The following CREBL2 variants were observed in gnomAD, a reference collection of about 807,000 sequenced individuals.
CREBL2 encodes cAMP-responsive element-binding protein-like 2.
CREBL2 carries 4 observed loss-of-function variants against 19.5 expected under a neutral mutation model. The observed-to-expected ratio is 0.20, with a 90% CI of 0.10 to 0.47. CREBL2 has a LOEUF of 0.47. Ranked by LOEUF, CREBL2 falls within the 20% of genes least tolerant of loss-of-function variation. The pLI, the probability that CREBL2 is intolerant of heterozygous loss-of-function variation, is 0.98. For synonymous variants in CREBL2, 42 were observed against 46.6 expected (o/e 0.90, Z 0.40); for missense variants, 85 against 145.1 (o/e 0.59, Z 2.13).
intron 3 of CREBL2, among the ~76,000 whole-genome samples, chr12:12,641,253 A>ATTTTTTTTTTTTTTTTTTTTTT (rs142404101): frequency 5.1e-5 from 4 of 78,260 alleles, no homozygotes; most frequent in Non-Finnish European, 5.0e-5. Context: ...TATTATTATT[A>ATTTTTTTTTTTTTTTTTTTTTT]TTTTTTTTTA....
chr12:12,636,034 T>C (rs1197413334), intron 2 of CREBL2, 60 bp downstream of exon 2: 1 of 1,441,920 alleles, frequency 6.9e-7, no homozygotes, highest in East Asian at 2.3e-5. Flanking sequence ...AAATAATACA[T>C]TAAAATACGA....
At chr12:12,636,158 G>A (rs548750863) in intron 2 of CREBL2, among the ~76,000 whole-genome samples, 184 bp downstream of exon 2, 112 of 152,306 alleles carry the variant, frequency 7.4e-4, no homozygotes, top group Non-Finnish European at 1.5e-3. Flanking sequence ...CAGAGTGTAC[G>A]TGACTGTTAA....
At chr12:12,619,276 C>T (rs1428213907) in intron 1 of CREBL2, among the ~76,000 whole-genome samples, 2 of 152,058 alleles carry the variant, frequency 1.3e-5, no homozygotes, top group Non-Finnish European at 1.5e-5. Context: ...CTGAGGCCAC[C>T]TCCATGTTTA....
intron 3 of CREBL2, among the ~76,000 whole-genome samples, chr12:12,640,612 A>C (rs1945509684): frequency 6.6e-6 from 1 of 151,484 alleles, no homozygotes; most frequent in Non-Finnish European, 1.5e-5. Flanking sequence ...TTAAGAGTAA[A>C]GTAAAGACAG....
chr12:12,626,660 A>G lies in CREBL2; in HGVS notation c.16-9117A>G, dbSNP rs539146164. Among the ~76,000 whole-genome samples, 6 of 152,306 alleles carry G rather than the reference A, an allele frequency of 3.9e-5. No individual in the cohort carries two copies. The East Asian group carries it at 1.2e-3, about 29-fold the overall frequency. On this transcript the variant is annotated intron_variant, in intron 1 of 3. Transcript: ENST00000228865. Reference sequence around the variant, plus strand: ...ACAGAATTGTGCAATGATCATCACTATCTAATTCCAGAACAGTTCTATCAC... The same window carrying G: ...ACAGAATTGTGCAATGATCATCACTGTCTAATTCCAGAACAGTTCTATCAC...
At chr12:12,636,233 T>A (rs1945474032) in intron 2 of CREBL2, among the ~76,000 whole-genome samples, 1 of 152,118 alleles carries the variant, frequency 6.6e-6, no homozygotes, top group Non-Finnish European at 1.5e-5. Flanking sequence ...AATAAAGGAC[T>A]GGTTAAATAA....
chr12:12,617,558 C>T (rs1359704265), intron 1 of CREBL2, among the ~76,000 whole-genome samples: 2 of 141,668 alleles, frequency 1.4e-5, no homozygotes, highest in Non-Finnish European at 3.0e-5. Flanking sequence ...TCTCAAAACA[C>T]GTTATCATTA....
intron 1 of CREBL2, among the ~76,000 whole-genome samples, chr12:12,613,111 C>G (rs1400924314): frequency 6.6e-6 from 1 of 152,204 alleles, no homozygotes; most frequent in Admixed American, 6.5e-5. Flanking sequence ...TCTTAGGTGT[C>G]CGCTCGCCTC....
intron 1 of CREBL2, among the ~76,000 whole-genome samples, chr12:12,622,864 GT>G (rs1336938825): frequency 6.6e-6 from 1 of 152,112 alleles, no homozygotes; most frequent in Non-Finnish European, 1.5e-5. Flanking sequence ...TTCTCTTTAT[GT>G]TTTTAAGAGA....
chr12:12,622,099 C>G (rs1470206260), intron 1 of CREBL2, among the ~76,000 whole-genome samples: 1 of 152,088 alleles, frequency 6.6e-6, no homozygotes, highest in African/African-American at 2.4e-5. Flanking sequence ...TCTTCAGATA[C>G]GGATTGGGTG....
intron 1 of CREBL2, among the ~76,000 whole-genome samples, chr12:12,633,675 TA>T (rs1945456047): frequency 6.6e-6 from 1 of 152,086 alleles, no homozygotes; most frequent in Non-Finnish European, 1.5e-5. Context: ...AGAAGTTTGG[TA>T]AATGTGGCTG....
chr12:12,616,673 G>A lies in CREBL2; in HGVS notation c.15+4486G>A, dbSNP rs550393862. 3.3e-5 allele frequency among the ~76,000 whole-genome samples: 5 copies of A among 152,272 alleles called. No individual in the cohort carries two copies. In the East Asian group the frequency reaches 7.7e-4, roughly 23 times the overall value. ...AGGCTTTGGCAGCTCCCAGCCCTGC[G>A]TTTTCTGTGCCCTAGTTATAATCCC... On this transcript the variant is annotated intron_variant, in intron 1 of 3. Coordinates refer to ENST00000228865, the MANE Select transcript of CREBL2 (RefSeq NM_001310.4).
At position 12,635,787 on chromosome 12, in the gene CREBL2, G is replaced by A; in HGVS notation, c.26G>A (p.Gly9Asp). 1 of 1,610,448 alleles carries A rather than the reference G, an allele frequency of 6.2e-7. No homozygotes were observed. Among genetic ancestry groups the A allele is most frequent in the Non-Finnish European group, 8.5e-7 (1 of 1,178,146 alleles). The change falls in exon 2 of 4, where the codon GGC becomes GAC. Residue 9 changes from glycine to aspartate, a missense_variant. Physicochemically the swap from Gly to Asp is moderately conservative, Grantham distance 94. Coordinates refer to ENST00000228865, the MANE Select transcript of CREBL2 (RefSeq NM_001310.4). Reference protein sequence around the residue: MDDSKVVGGKVKKPGKRGR... With the variant: MDDSKVVGDKVKKPGKRGR... ...TCTCGCTTGCTGAAGGTGGTTGGAG[G>A]CAAAGTAAAGAAGCCCGGTAAACGT...
chr12:12,642,116 G>A lies in CREBL2; in HGVS notation c.*118G>A. 1.6e-6 allele frequency: 1 copy of A among 610,926 alleles called. No homozygotes were observed. Among genetic ancestry groups the A allele is most frequent in the Non-Finnish European group, 2.7e-6 (1 of 370,324 alleles). 37.8% of individuals were successfully genotyped at this position (610,926 alleles called of 1,614,324 possible). A position where few individuals can be genotyped will look rare whatever the true frequency, so the allele number is the denominator to read the frequency against. On this transcript the variant is annotated 3_prime_UTR_variant, in exon 4 of 4. Transcript: ENST00000228865. ...TACCTACTGCTCAGTAGTCATCTCT[G>A]TAAATCTGCAATTTCTACCAAAATG...
At chr12:12,632,045 T>C (rs1241957839) in intron 1 of CREBL2, among the ~76,000 whole-genome samples, 1 of 149,628 alleles carries the variant, frequency 6.7e-6, no homozygotes, top group Non-Finnish European at 1.5e-5. Context: ...TACAGAAACC[T>C]TGGATTCATA....
Position 12,635,793 on chromosome 12 carries a change from T to A in CREBL2, c.32T>A (p.Val11Glu). Residue 11 changes from valine to glutamate, a missense_variant, in exon 2 of 4, where the codon GTA becomes GAA. Val to Glu is a moderately radical substitution (Grantham distance 121). Around this residue, in one of 5 missense-constraint regions of CREBL2, gnomAD observed 16 missense variants for 17.0 expected, o/e 0.94. Coordinates refer to ENST00000228865, the MANE Select transcript of CREBL2 (RefSeq NM_001310.4). MDDSKVVGGK[V>E]KKPGKRGRKP... ...TTGCTGAAGGTGGTTGGAGGCAAAG[T>A]AAAGAAGCCCGGTAAACGTGGTCGG... The A allele has an allele frequency of 6.2e-7, 1 of 1,611,352 alleles. No individual in the cohort carries two copies. The highest frequency in any genetic ancestry group is 8.5e-7 in the Non-Finnish European group (1 of 1,178,612).
rs182466063 is a variant in CREBL2 at position 12,644,118 on chromosome 12, A to G, written c.*2120A>G. On this transcript the variant is annotated 3_prime_UTR_variant, in exon 4 of 4. Coordinates refer to ENST00000228865, the MANE Select transcript of CREBL2 (RefSeq NM_001310.4). ...TCTCCCCTCCCGCTAGTATCTTTAC[A>G]GGAGCAGGGAAGAGCAGTAGAGGAT... 1 of 152,760 alleles carries G rather than the reference A, an allele frequency of 6.5e-6. No homozygotes were observed. Among genetic ancestry groups the G allele is most frequent in the East Asian group, 1.9e-4 (1 of 5,186 alleles). 9.5% of individuals were successfully genotyped at this position (152,760 alleles called of 1,614,324 possible).
At chr12:12,617,327 T>A (rs553734893) in intron 1 of CREBL2, among the ~76,000 whole-genome samples, 18 of 152,280 alleles carry the variant, frequency 1.2e-4, no homozygotes, top group Admixed American at 3.3e-4. Flanking sequence ...AGATTTGGCA[T>A]CTCTAAAGTG....
chr12:12,619,449 T>C (rs1354058929), intron 1 of CREBL2, among the ~76,000 whole-genome samples: 1 of 151,994 alleles, frequency 6.6e-6, no homozygotes, highest in Non-Finnish European at 1.5e-5. Flanking sequence ...CTTCAAAAAA[T>C]ATAAAAAATT....
Sources: gnomAD v4.1 joint callset for allele counts (sites outside exome capture counted in the v4.1 genomes callset) on GRCh38, gnomAD v4.1.1 for gene constraint, gnomAD v4.1.1 regional missense constraint, MANE v1.5 for transcripts, NCBI Gene and HGNC (gene_info 2026-07-23, HGNC 2026-07-21) for gene names.